MTR: variants seen among roughly 807,000 people sequenced by gnomAD.
MTR encodes methionine synthase.
Under a neutral mutation model 154.8 loss-of-function variants are expected in MTR, and 84 were observed. That is an observed-to-expected ratio of 0.54 (90% CI 0.45 to 0.65). The LOEUF (loss-of-function observed/expected upper bound fraction) is 0.65. Ranked by LOEUF, MTR falls within the 30% of genes least tolerant of loss-of-function variation. MTR has a pLI of 0.00. For missense variants in MTR, 1,275 were observed against 1,570.2 expected, an observed-to-expected ratio of 0.81 and a Z score of 3.18; for synonymous variants, 554 against 553.9, an observed-to-expected ratio of 1.00 and a Z score of 0.00.
At chr1:236,882,762 G>A (rs928762773) in intron 25 of MTR, among the ~76,000 whole-genome samples, 4 of 152,234 alleles carry the variant, frequency 2.6e-5, no homozygotes, top group Non-Finnish European at 5.9e-5. Flanking sequence ...TGAGGAGTGG[G>A]TGTTTGTGCT....
intron 14 of MTR, 95 bp downstream of exon 14, chr1:236,835,782 G>T: frequency 2.0e-6 from 3 of 1,530,846 alleles, no homozygotes; most frequent in Non-Finnish European, 2.7e-6. Context: ...GTGAACTCAA[G>T]AACTGGTTTT....
Position 236,873,778 on chromosome 1 carries a change from T to C in MTR, c.2411T>C (p.Ile804Thr), listed in dbSNP as rs147387989. The change falls in exon 23 of 33, where the codon ATT (isoleucine) becomes ACT (threonine). Residue 804 changes from isoleucine to threonine, a missense_variant. Transcript: ENST00000366577. ...VVLGCNNFRV[I>T]DLGVMTPCDK... is the part of the protein sequence containing the mutation. ...GTCTCATTTCTGTGCCTCAGAGTTA[T>C]TGATTTAGGAGTCATGACTCCATGT... is the stretch of plus-strand genomic sequence containing the variant. The C allele has an allele frequency of 6.8e-6, 11 of 1,613,734 alleles. No homozygotes were observed. Among genetic ancestry groups the C allele is most frequent in the African/African-American group, 1.3e-5 (1 of 74,938 alleles).
In MTR at chr1:236,822,312, G is replaced by GTTTTT. The variant is rs199660325; in HGVS notation, c.765-1796_765-1792dup. Among the ~76,000 whole-genome samples the GTTTTT allele has an allele frequency of 2.2e-4, 27 of 124,926 alleles. 1 individual carries two copies. Among genetic ancestry groups the GTTTTT allele is most frequent in the East Asian group, 7.0e-4 (3 of 4,298 alleles). The allele number at this position is 124,926 out of a possible 152,430, so 82.0% of individuals were successfully genotyped here. A position where few individuals can be genotyped will look rare whatever the true frequency, so the allele number is the denominator to read the frequency against. ...TAAATGGTTTTGTGGGGTTTTTTTTGTTTTTTTTTTTTTTTGAGACAGCAT... is the reference window on the plus strand; with the variant it reads ...TAAATGGTTTTGTGGGGTTTTTTTTGTTTTTTTTTTTTTTTTTTTTGAGACAGCAT... On this transcript the variant is annotated intron_variant, in intron 8 of 32. Coordinates refer to ENST00000366577, the MANE Select transcript of MTR (RefSeq NM_000254.3).
chr1:236,877,143 A>G (rs150301905), intron 24 of MTR, among the ~76,000 whole-genome samples: 27 of 152,326 alleles, frequency 1.8e-4, no homozygotes, highest in Admixed American at 5.9e-4. Flanking sequence ...GCAACCTCCA[A>G]GCACTTCACT....
intron 29 of MTR, among the ~76,000 whole-genome samples, chr1:236,893,161 G>A (rs1050470358): frequency 1.3e-5 from 2 of 152,122 alleles, no homozygotes; most frequent in African/African-American, 4.8e-5. Flanking sequence ...GTCCCCCTCT[G>A]GCCTTTGTTA....
intron 30 of MTR, chr1:236,895,120 G>C (rs1014205360): frequency 3.5e-6 from 2 of 569,922 alleles, no homozygotes; most frequent in African/African-American, 3.8e-5. Context: ...AAAATCTTTA[G>C]GTCATTAAGT....
chr1:236,819,594 G>A (rs1221038289), intron 8 of MTR: 16 of 434,656 alleles, frequency 3.7e-5, no homozygotes, highest in Non-Finnish European at 6.1e-5. Flanking sequence ...TCCATCCGGC[G>A]TTGTTCTGGA....
intron 25 of MTR, among the ~76,000 whole-genome samples, chr1:236,884,036 C>T (rs915600558): frequency 6.6e-6 from 1 of 152,214 alleles, no homozygotes; most frequent in African/African-American, 2.4e-5. Context: ...AGCTATTCTT[C>T]TATCAACTTG....
intron 22 of MTR, among the ~76,000 whole-genome samples, chr1:236,868,171 T>A (rs1023241508): frequency 3.3e-5 from 5 of 152,208 alleles, no homozygotes; most frequent in Admixed American, 2.0e-4. Flanking sequence ...CACCCCAAAC[T>A]TCTGCAGCCA....
intron 11 of MTR, among the ~76,000 whole-genome samples, chr1:236,827,702 A>G (rs1055322465): frequency 2.6e-5 from 4 of 152,172 alleles, no homozygotes; most frequent in East Asian, 1.9e-4. Flanking sequence ...TCATGTTTTC[A>G]AGTGTGCATA....
rs117306659 is a variant in MTR at position 236,893,963 on chromosome 1, A to G, written c.3205-394A>G. Reference sequence around the variant, plus strand: ...TCCATTTATTGGATCTCTTTTGAACATGGTGCTGGACTTAATTGAAAACAC... The same window carrying G: ...TCCATTTATTGGATCTCTTTTGAACGTGGTGCTGGACTTAATTGAAAACAC... On this transcript the variant is annotated intron_variant, in intron 29 of 32. Transcript: ENST00000366577. Among the ~76,000 whole-genome samples, 5 of 151,368 alleles carry G rather than the reference A, an allele frequency of 3.3e-5. No individual in the cohort carries two copies. In the East Asian group the frequency reaches 9.7e-4, roughly 29 times the overall value.
chr1:236,882,721 GT>G (rs1449465667), intron 25 of MTR, among the ~76,000 whole-genome samples: 5 of 152,216 alleles, frequency 3.3e-5, no homozygotes, highest in Non-Finnish European at 7.3e-5. Context: ...AGCTAGAGCA[GT>G]GGGGGCCTTG....
Position 236,825,140 on chromosome 1 carries a change from A to ATTTTTTTTTTTTT in MTR, c.866-192_866-180dup, listed in dbSNP as rs749672025. Among the ~76,000 whole-genome samples, 757 of 113,884 alleles carry ATTTTTTTTTTTTT rather than the reference A, an allele frequency of 6.6e-3. 28 individuals carry two copies. The highest frequency in any genetic ancestry group is 0.027 in the African/African-American group (728 of 27,186). 74.7% of individuals were successfully genotyped at this position (113,884 alleles called of 152,430 possible). A position where few individuals can be genotyped will look rare whatever the true frequency, so the allele number is the denominator to read the frequency against. ...ATAATGGAGTTCATTTTCCTCTGTG[A>ATTTTTTTTTTTTT]TTTTTTTTTTTTTTTTTTAGTTTTT... On this transcript the variant is annotated intron_variant, in intron 9 of 32. Transcript: ENST00000366577.
chr1:236,854,448 C>T (rs902433220), intron 18 of MTR, among the ~76,000 whole-genome samples: 1 of 152,174 alleles, frequency 6.6e-6, no homozygotes, highest in African/African-American at 2.4e-5. Context: ...CTATTGACCA[C>T]ATAGAGTGCT....
At position 236,899,331 on chromosome 1, in the gene MTR, A is replaced by AGC. The variant is rs1666824320; in HGVS notation, c.*1688_*1689dup. 1 of 152,176 alleles carries AGC rather than the reference A, an allele frequency of 6.6e-6. No homozygotes were observed. Among genetic ancestry groups the AGC allele is most frequent in the African/African-American group, 2.4e-5 (1 of 41,440 alleles). The allele number at this position is 152,176 out of a possible 1,614,324, so 9.4% of individuals were successfully genotyped here. On this transcript the variant is annotated 3_prime_UTR_variant, in exon 33 of 33. Transcript: ENST00000366577. ...TCATGGTGCAGAGGTAGGCATTCTGAGCAGGGGAACAAAATAAGGGCCTAG... is the reference window on the plus strand; with the variant it reads ...TCATGGTGCAGAGGTAGGCATTCTGAGCGCAGGGGAACAAAATAAGGGCCTAG...
intron 1 of MTR, among the ~76,000 whole-genome samples, chr1:236,796,254 T>C (rs533506453): frequency 2.6e-4 from 40 of 152,314 alleles, no homozygotes; most frequent in Non-Finnish European, 8.8e-5. Flanking sequence ...ACTCACTATG[T>C]TAAAATAGAT....
At chr1:236,883,247 A>G (rs1403334670) in intron 25 of MTR, among the ~76,000 whole-genome samples, 2 of 152,218 alleles carry the variant, frequency 1.3e-5, no homozygotes, top group Non-Finnish European at 2.9e-5. Flanking sequence ...GTTGGCATGA[A>G]AACACATGAT....
intron 13 of MTR, among the ~76,000 whole-genome samples, chr1:236,834,620 C>G (rs570253938): frequency 8.1e-5 from 12 of 149,060 alleles, no homozygotes; most frequent in African/African-American, 3.0e-4. Context: ...TTTTTTTTTT[C>G]CTTGGGCTAA....
chr1:236,842,931 C>T (rs1296938808), intron 15 of MTR, among the ~76,000 whole-genome samples: 1 of 151,492 alleles, frequency 6.6e-6, no homozygotes, highest in Non-Finnish European at 1.5e-5. Flanking sequence ...ACTAAAAATA[C>T]AAAAATTAGC....
Sources: gnomAD v4.1 joint callset for allele counts (sites outside exome capture counted in the v4.1 genomes callset) on GRCh38, gnomAD v4.1.1 for gene constraint, MANE v1.5 for transcripts, NCBI Gene and HGNC (gene_info 2026-07-23, HGNC 2026-07-21) for gene names.